KCNB2: variants seen among roughly 807,000 people sequenced by gnomAD.
KCNB2 encodes potassium voltage-gated channel subfamily B member 2.
A neutral mutation model predicts 61.5 loss-of-function variants in KCNB2; 15 were observed. That is an observed-to-expected ratio of 0.24 (90% CI 0.16 to 0.38). The LOEUF (loss-of-function observed/expected upper bound fraction) is 0.38. KCNB2 is among the 10% of genes least tolerant of loss of function. The pLI, the probability that KCNB2 is intolerant of heterozygous loss-of-function variation, is 1.00. For synonymous variants in KCNB2, 457 were observed against 446.0 expected, an observed-to-expected ratio of 1.02 and a Z score of -0.31; for missense variants, 828 against 1,125.2, an observed-to-expected ratio of 0.74 and a Z score of 3.78.
chr8:72,759,200 GT>G (rs1808339150), intron 2 of KCNB2, among the ~76,000 whole-genome samples: 1 of 151,992 alleles, frequency 6.6e-6, no homozygotes, highest in Non-Finnish European at 1.5e-5. Context: ...AATCTTTTCT[GT>G]TTTAATAGAA....
intron 2 of KCNB2, among the ~76,000 whole-genome samples, chr8:72,734,250 G>A (rs1279727430): frequency 6.6e-6 from 1 of 152,090 alleles, no homozygotes; most frequent in Non-Finnish European, 1.5e-5. Context: ...ACCTGTACAG[G>A]CAGCTTTGGT....
At chr8:72,814,197 T>TATAAGTATTG (rs1809351778) in intron 2 of KCNB2, among the ~76,000 whole-genome samples, 1 of 152,252 alleles carries the variant, frequency 6.6e-6, no homozygotes, top group African/African-American at 2.4e-5. Flanking sequence ...ATCATTGCTG[T>TATAAGTATTG]ATAAGTATTG....
chr8:72,615,381 G>T (rs74625766), intron 2 of KCNB2, among the ~76,000 whole-genome samples: 1,727 of 152,290 alleles, frequency 0.011, 20 homozygotes, highest in African/African-American at 0.039. Flanking sequence ...CGAGGCACAA[G>T]ATGAAGCAAA....
chr8:72,817,146 T>G (rs1038182064), intron 2 of KCNB2, among the ~76,000 whole-genome samples: 1 of 152,128 alleles, frequency 6.6e-6, no homozygotes, highest in African/African-American at 2.4e-5. Context: ...AGAAAATACT[T>G]TAAAGGGTTT....
chr8:72,671,679 G>A (rs1185666153), intron 2 of KCNB2, among the ~76,000 whole-genome samples: 1 of 152,052 alleles, frequency 6.6e-6, no homozygotes, highest in African/African-American at 2.4e-5. Context: ...ACTTCAAAAG[G>A]TGTAGTGTAT....
chr8:72,621,201 A>G (rs1287285869), intron 2 of KCNB2, among the ~76,000 whole-genome samples: 9 of 152,138 alleles, frequency 5.9e-5, no homozygotes, highest in African/African-American at 2.2e-4. Context: ...TGACCTGTAT[A>G]TTTTTATTTG....
chr8:72,557,109 C>T (rs770177935), intron 1 of KCNB2, among the ~76,000 whole-genome samples: 8 of 152,112 alleles, frequency 5.3e-5, no homozygotes, highest in Non-Finnish European at 8.8e-5. Context: ...ACTTGGGAAG[C>T]AGGATTTCAA....
intron 2 of KCNB2, among the ~76,000 whole-genome samples, chr8:72,633,966 C>T (rs982759780): frequency 6.9e-6 from 1 of 144,408 alleles, no homozygotes; most frequent in Non-Finnish European, 1.6e-5. Context: ...AGGCAAGAGC[C>T]AAGGAGTCAG....
chr8:72,601,573 T>A lies in KCNB2; in HGVS notation c.579+33260T>A, dbSNP rs187708715. 1.1e-4 allele frequency among the ~76,000 whole-genome samples: 16 copies of A among 152,312 alleles called. No homozygotes were observed. The East Asian group carries it at 3.1e-3, about 29-fold the overall frequency. On this transcript the variant is annotated intron_variant, in intron 2 of 2. Transcript: ENST00000523207. ...AATCTTTAACCCCCTTTATGTGAAG[T>A]TTAAATCTTGCATTAACTGCTGGAT...
At chr8:72,538,013 C>G (rs1018151633) in intron 1 of KCNB2, 128 bp downstream of exon 1, 1 of 152,168 alleles carries the variant, frequency 6.6e-6, no homozygotes, top group Non-Finnish European at 1.5e-5. Context: ...AGTGGACTTA[C>G]ACACAAAGCT....
intron 1 of KCNB2, among the ~76,000 whole-genome samples, chr8:72,551,330 A>T (rs1282276612): frequency 6.6e-6 from 1 of 152,140 alleles, no homozygotes; most frequent in Non-Finnish European, 1.5e-5. Flanking sequence ...TAAACCTTCA[A>T]CTTGGGGGCT....
Position 72,714,589 on chromosome 8 carries a change from A to C in KCNB2, c.579+146276A>C, listed in dbSNP as rs964795395. 5.7e-3 allele frequency among the ~76,000 whole-genome samples: 866 copies of C among 152,158 alleles called. 8 individuals are homozygous for C. Among genetic ancestry groups the C allele is most frequent in the African/African-American group, 0.018 (759 of 41,500 alleles). ...TTCATAAGTGAAGGAGAAATAAAAT[A>C]CTTTACAGACAAGCAAATGCTGAGA... On this transcript the variant is annotated intron_variant, in intron 2 of 2. Transcript: ENST00000523207.
In KCNB2 at chr8:72,867,411, G is replaced by A. The variant is rs192566358; in HGVS notation, c.580-68524G>A. ...CGCCTATAAGCCCTGCACTTTGGGA[G>A]CAGAGGCGGGTGGATTGCTTAAGCC... On this transcript the variant is annotated intron_variant, in intron 2 of 2. Coordinates refer to ENST00000523207, the MANE Select transcript of KCNB2 (RefSeq NM_004770.3). Among the ~76,000 whole-genome samples, 31 of 152,292 alleles carry A rather than the reference G, an allele frequency of 2.0e-4. No homozygotes were observed. The East Asian group carries it at 3.1e-3, about 15-fold the overall frequency.
chr8:72,624,712 C>T (rs565637121), intron 2 of KCNB2, among the ~76,000 whole-genome samples: 2 of 152,326 alleles, frequency 1.3e-5, no homozygotes, highest in South Asian at 2.1e-4. Context: ...CCATGACCCC[C>T]ACCTCCTGGT....
intron 2 of KCNB2, among the ~76,000 whole-genome samples, chr8:72,890,432 G>T (rs1165085273): frequency 6.6e-6 from 1 of 152,108 alleles, no homozygotes; most frequent in East Asian, 1.9e-4. Context: ...AGTAATAGAG[G>T]CTTATACTAT....
At chr8:72,896,260 A>AG (rs1246347659) in intron 2 of KCNB2, among the ~76,000 whole-genome samples, 1 of 152,122 alleles carries the variant, frequency 6.6e-6, no homozygotes, top group Non-Finnish European at 1.5e-5. Flanking sequence ...AAGTTAGAGG[A>AG]GGATACCATC....
At chr8:72,571,926 T>G (rs975509024) in intron 2 of KCNB2, among the ~76,000 whole-genome samples, 3 of 152,196 alleles carry the variant, frequency 2.0e-5, no homozygotes, top group Non-Finnish European at 2.9e-5. Flanking sequence ...TTCTCTCTTT[T>G]CCTTGGCCTC....
In KCNB2 at chr8:72,537,259, G is replaced by C; in HGVS notation, c.-720G>C. 6.6e-6 allele frequency: 1 copy of C among 151,640 alleles called. No individual in the cohort carries two copies. The highest frequency in any genetic ancestry group is 2.0e-4 in the South Asian group (1 of 5,040). The allele number at this position is 151,640 out of a possible 1,614,324, so 9.4% of individuals were successfully genotyped here. On this transcript the variant is annotated 5_prime_UTR_variant, in exon 1 of 3. Transcript: ENST00000523207. ...TGTGCGCGCCGGGCCGGCTAGCTGC[G>C]GGGCGGGGGAGCGGCGCCCCAGAGC...
At chr8:72,755,919 G>A (rs977604294) in intron 2 of KCNB2, among the ~76,000 whole-genome samples, 1 of 152,170 alleles carries the variant, frequency 6.6e-6, no homozygotes, top group Non-Finnish European at 1.5e-5. Context: ...CCTGCAGGGA[G>A]GCTGGCTGGG....
Sources: allele counts gnomAD v4.1 joint callset (sites outside exome capture counted in the v4.1 genomes callset), GRCh38; gene constraint gnomAD v4.1.1; transcripts MANE v1.5; gene names NCBI Gene and HGNC (gene_info 2026-07-23, HGNC 2026-07-21).